The following HS6ST3 variants were observed in gnomAD, a reference collection of about 807,000 sequenced individuals.
HS6ST3 encodes the protein heparan-sulfate 6-O-sulfotransferase 3.
A neutral mutation model predicts 36.7 loss-of-function variants in HS6ST3; 12 were observed. The observed-to-expected ratio is 0.33, with a 90% CI of 0.21 to 0.53. The LOEUF (loss-of-function observed/expected upper bound fraction) is 0.53. HS6ST3 is among the 20% of genes least tolerant of loss of function. HS6ST3 has a pLI of 0.95. For synonymous variants in HS6ST3, 240 were observed against 257.5 expected, an observed-to-expected ratio of 0.93 and a Z score of 0.65; for missense variants, 584 against 640.9, an observed-to-expected ratio of 0.91 and a Z score of 0.96.
chr13:96,464,947 C>CAT (rs1296442928), intron 1 of HS6ST3, among the ~76,000 whole-genome samples: 3 of 145,460 alleles, frequency 2.1e-5, no homozygotes, highest in African/African-American at 5.2e-5. Flanking sequence ...CAAGATGCTT[C>CAT]GTGTGTGTGT....
chr13:96,640,910 A>G lies in HS6ST3; in HGVS notation c.708-191580A>G, dbSNP rs373748013. ...TGTCTGTTCTGTTCTAGTAGTCTGTATGTCTGTTTTTATACTGGTACCATG... is the reference window on the plus strand; with the variant it reads ...TGTCTGTTCTGTTCTAGTAGTCTGTGTGTCTGTTTTTATACTGGTACCATG... On this transcript the variant is annotated intron_variant, in intron 1 of 1. Coordinates refer to ENST00000376705, the MANE Select transcript of HS6ST3 (RefSeq NM_153456.4). 2.2e-4 allele frequency among the ~76,000 whole-genome samples: 33 copies of G among 151,956 alleles called. No homozygotes were observed. In the South Asian group the frequency reaches 6.4e-3, roughly 30 times the overall value.
Position 96,260,126 on chromosome 13 carries a change from T to A in HS6ST3, c.707+168557T>A, listed in dbSNP as rs1229278355. Among the ~76,000 whole-genome samples the A allele has an allele frequency of 6.6e-5, 10 of 152,308 alleles. No individual in the cohort carries two copies. The East Asian group carries it at 1.9e-3, about 29-fold the overall frequency. On this transcript the variant is annotated intron_variant, in intron 1 of 1. Transcript: ENST00000376705. ...CCAATACAACTTCTAAATGTGAATA[T>A]TCTTCGATATCCTTGCTTGAATCAT...
At chr13:96,820,281 T>G (rs1316531411) in intron 1 of HS6ST3, among the ~76,000 whole-genome samples, 1 of 152,212 alleles carries the variant, frequency 6.6e-6, no homozygotes, top group African/African-American at 2.4e-5. Flanking sequence ...TTGCTTTAGG[T>G]TGTTTTTTAA....
chr13:96,126,712 C>T lies in HS6ST3; in HGVS notation c.707+35143C>T, dbSNP rs532212384. Among the ~76,000 whole-genome samples, 6 of 152,262 alleles carry T rather than the reference C, an allele frequency of 3.9e-5. No homozygotes were observed. The East Asian group carries it at 1.2e-3, about 29-fold the overall frequency. ...CTATCTCTTGGAACAATTGTACTCC[C>T]CAATCTGCGACTCTTTCATCACTGT... On this transcript the variant is annotated intron_variant, in intron 1 of 1. Transcript: ENST00000376705.
At chr13:96,686,803 A>G (rs886405695) in intron 1 of HS6ST3, among the ~76,000 whole-genome samples, 1 of 152,086 alleles carries the variant, frequency 6.6e-6, no homozygotes, top group African/African-American at 2.4e-5. Context: ...ATAACAGTAC[A>G]TAACATTGGT....
chr13:96,112,581 AT>A (rs1373474012), intron 1 of HS6ST3, among the ~76,000 whole-genome samples: 850 of 33,492 alleles, frequency 0.025, 39 homozygotes, highest in African/African-American at 0.066. Context: ...ATAAATAAAT[AT>A]ATATATATAT....
intron 1 of HS6ST3, among the ~76,000 whole-genome samples, chr13:96,486,798 C>T (rs771283146): frequency 4.4e-4 from 67 of 151,996 alleles, no homozygotes; most frequent in South Asian, 2.3e-3. Flanking sequence ...TACAGGGGAG[C>T]CTGAAATGAG....
intron 1 of HS6ST3, among the ~76,000 whole-genome samples, chr13:96,468,021 C>T (rs1328050): frequency 0.83 from 125,528 of 152,078 alleles, 53,556 homozygotes; most frequent in Non-Finnish European, 0.95. Flanking sequence ...ATTAAACCCC[C>T]AATCCTGGGG....
At chr13:96,589,354 A>G (rs1353715019) in intron 1 of HS6ST3, among the ~76,000 whole-genome samples, 1 of 152,070 alleles carries the variant, frequency 6.6e-6, no homozygotes, top group Non-Finnish European at 1.5e-5. Flanking sequence ...AAAGTCTCTT[A>G]TGATCCTTTC....
chr13:96,313,971 C>T (rs899209230), intron 1 of HS6ST3, among the ~76,000 whole-genome samples: 5 of 152,084 alleles, frequency 3.3e-5, no homozygotes, highest in Admixed American at 6.6e-5. Flanking sequence ...GAAACCAAGG[C>T]GGGTGGAACA....
chr13:96,738,164 T>C (rs1206521710), intron 1 of HS6ST3, among the ~76,000 whole-genome samples: 1 of 152,226 alleles, frequency 6.6e-6, no homozygotes, highest in Admixed American at 6.5e-5. Context: ...TATATTTATT[T>C]GATCACACCC....
intron 1 of HS6ST3, among the ~76,000 whole-genome samples, chr13:96,349,673 T>A (rs954271247): frequency 3.3e-5 from 5 of 152,188 alleles, no homozygotes; most frequent in African/African-American, 1.2e-4. Flanking sequence ...TGGACTTTAT[T>A]GCAACATAAG....
At chr13:96,766,512 A>G (rs1877121816) in intron 1 of HS6ST3, among the ~76,000 whole-genome samples, 1 of 152,164 alleles carries the variant, frequency 6.6e-6, no homozygotes, top group South Asian at 2.1e-4. Flanking sequence ...TAGGTGGGAT[A>G]ACATTTGGAG....
At chr13:96,707,874 C>T (rs1275801272) in intron 1 of HS6ST3, among the ~76,000 whole-genome samples, 2 of 152,204 alleles carry the variant, frequency 1.3e-5, no homozygotes, top group Admixed American at 1.3e-4. Flanking sequence ...GAAAAGTATT[C>T]AATACCAGTC....
intron 1 of HS6ST3, among the ~76,000 whole-genome samples, chr13:96,497,433 C>T (rs1465993309): frequency 6.6e-6 from 1 of 152,162 alleles, no homozygotes; most frequent in Non-Finnish European, 1.5e-5. Context: ...TAATCAATGA[C>T]TTATTAGTTT....
chr13:96,573,502 G>T (rs2056308458), intron 1 of HS6ST3, among the ~76,000 whole-genome samples: 1 of 152,112 alleles, frequency 6.6e-6, no homozygotes, highest in Admixed American at 6.6e-5. Flanking sequence ...GAATGGAATT[G>T]GAAGGAAGAA....
At chr13:96,742,830 C>T (rs1434932908) in intron 1 of HS6ST3, among the ~76,000 whole-genome samples, 1 of 152,040 alleles carries the variant, frequency 6.6e-6, no homozygotes, top group Admixed American at 6.6e-5. Flanking sequence ...TATGAAATTG[C>T]ATCCTATCAG....
chr13:96,681,553 ATTAATGAAATAATTAATTT>A (rs1347588300), intron 1 of HS6ST3, among the ~76,000 whole-genome samples: 2 of 152,164 alleles, frequency 1.3e-5, no homozygotes, highest in African/African-American at 4.8e-5. Context: ...AAGGTCCTTA[ATTAATGAAATAATTAATTT>A]TTAATGAAAT....
intron 1 of HS6ST3, among the ~76,000 whole-genome samples, chr13:96,513,858 C>A (rs187244988): frequency 1.6e-4 from 25 of 151,958 alleles, no homozygotes; most frequent in Non-Finnish European, 1.5e-4. Flanking sequence ...TGTTGAGATG[C>A]AATGAGAAGG....
Sources: gnomAD v4.1 joint callset for allele counts (sites outside exome capture counted in the v4.1 genomes callset) on GRCh38, gnomAD v4.1.1 for gene constraint, MANE v1.5 for transcripts, NCBI Gene and HGNC (gene_info 2026-07-23, HGNC 2026-07-21) for gene names.